STIL: variants seen among roughly 807,000 people sequenced by gnomAD.
STIL encodes the protein SCL-interrupting locus protein.
A neutral mutation model predicts 110.1 loss-of-function variants in STIL; 55 were observed. That is an observed-to-expected ratio of 0.50 (90% CI 0.40 to 0.63). The LOEUF is 0.63. Ranked by LOEUF, STIL falls within the 20% of genes least tolerant of loss-of-function variation. The pLI is 0.00. For synonymous variants in STIL, 481 were observed against 530.0 expected (o/e 0.91, Z 1.27); for missense variants, 1,358 against 1,530.0 (o/e 0.89, Z 1.87).
intron 13 of STIL, 99 bp downstream of exon 13, chr1:47,271,977 C>G (rs1644853740): frequency 7.5e-7 from 1 of 1,335,072 alleles, no homozygotes; most frequent in Non-Finnish European, 1.0e-6. Context: ...GGTTTTGGTC[C>G]TACTGCACCA....
chr1:47,275,136 A>G (rs1266222937), intron 12 of STIL, among the ~76,000 whole-genome samples: 1 of 114,252 alleles, frequency 8.8e-6, no homozygotes, highest in Non-Finnish European at 1.8e-5. Flanking sequence ...ACAGAGCAAG[A>G]CTCTGTCTCA....
intron 13 of STIL, among the ~76,000 whole-genome samples, chr1:47,270,073 C>A (rs1644774135): frequency 1.3e-5 from 2 of 150,848 alleles, no homozygotes; most frequent in Admixed American, 1.3e-4. Flanking sequence ...CCTGTCTCTA[C>A]AAAAAAAATA....
In STIL at chr1:47,281,175, G is replaced by A. The variant is rs564360127; in HGVS notation, c.1283C>T (p.Ser428Leu). The A allele has an allele frequency of 6.2e-7, 1 of 1,613,486 alleles. No homozygotes were observed. The highest frequency in any genetic ancestry group is 1.3e-5 in the African/African-American group (1 of 74,972). ...SKIQPSVPEL[S>L]LVLDGNFIES... ...TATGAAATTGCCATCCAACACAAGT[G>A]AAAGTTCAGGAACTGATGGTTGGAT... Residue 428 changes from serine (S) to leucine (L), a missense_variant, in exon 12 of 17, where the codon TCA becomes TTA. Transcript: ENST00000371877.
rs757539898 is a variant in STIL at position 47,293,415 on chromosome 1, GA to G, written c.872+42del. The G allele has an allele frequency of 2.0e-6, 3 of 1,501,872 alleles. No homozygotes were observed. In the South Asian group the frequency reaches 3.4e-5, roughly 17 times the overall value. 93.0% of individuals were successfully genotyped at this position (1,501,872 alleles called of 1,614,324 possible). A position where few individuals can be genotyped will look rare whatever the true frequency, so the allele number is the denominator to read the frequency against. On this transcript the variant is annotated intron_variant, in intron 8 of 16. Coordinates refer to ENST00000371877, the MANE Select transcript of STIL (RefSeq NM_001048166.1). ...ATGGGACCATAAACTATGAATGGGG[GA>G]AAGGATCGAAATAAAGTACTACAGA... is the stretch of plus-strand genomic sequence containing the variant.
In STIL at chr1:47,263,744, G is replaced by GTTTT. The variant is rs60915271; in HGVS notation, c.2616-632_2616-629dup. On this transcript the variant is annotated intron_variant, in intron 14 of 16. Transcript: ENST00000371877. Reference sequence around the variant, plus strand: ...TAGGTATGTTATTTGTTCATTCCAAGTTTTTTTTTTTTTTTTTTTTTTTTT... The same window carrying GTTTT: ...TAGGTATGTTATTTGTTCATTCCAAGTTTTTTTTTTTTTTTTTTTTTTTTTTTTT... 2.2e-3 allele frequency among the ~76,000 whole-genome samples: 220 copies of GTTTT among 98,306 alleles called. 32 individuals carry two copies. Among genetic ancestry groups the GTTTT allele is most frequent in the African/African-American group, 8.7e-3 (206 of 23,696 alleles). The allele number at this position is 98,306 out of a possible 152,430, so 64.5% of individuals were successfully genotyped here. A position where few individuals can be genotyped will look rare whatever the true frequency, so the allele number is the denominator to read the frequency against.
In STIL at chr1:47,283,401, T is replaced by C. The variant is rs148153742; in HGVS notation, c.1134-942A>G. On this transcript the variant is annotated intron_variant, in intron 10 of 16. Coordinates refer to ENST00000371877, the MANE Select transcript of STIL (RefSeq NM_001048166.1). ...TGTTTAAGCAGAAATGGGTCTTCAG[T>C]CCCACAAAGCTCTTCTCCAACACCC... 19 of 152,350 alleles carry C rather than the reference T, an allele frequency of 1.2e-4. 1 individual carries two copies. The East Asian group carries it at 3.7e-3, about 29-fold the overall frequency. 9.4% of individuals were successfully genotyped at this position (152,350 alleles called of 1,614,324 possible). A position where few individuals can be genotyped will look rare whatever the true frequency, so the allele number is the denominator to read the frequency against.
chr1:47,256,269 C>T (rs779232721), intron 16 of STIL, among the ~76,000 whole-genome samples: 5 of 152,140 alleles, frequency 3.3e-5, no homozygotes, highest in Non-Finnish European at 7.3e-5. Context: ...GTCGTTCATT[C>T]AGCAAATGAC....
In STIL at chr1:47,281,214, A is replaced by C. The variant is rs1174586666; in HGVS notation, c.1249-5T>G. On this transcript the variant is annotated splice_polypyrimidine_tract_variant and splice_region_variant and intron_variant, in intron 11 of 16. Coordinates refer to ENST00000371877, the MANE Select transcript of STIL (RefSeq NM_001048166.1). ...TGATGGTTGGATCTTAGAAATCTAC[A>C]AATAAGAAAGAAATAGAAAAAAAAA... 1.2e-6 allele frequency: 2 copies of C among 1,610,972 alleles called. No individual in the cohort carries two copies. The highest frequency in any genetic ancestry group is 1.7e-5 in the Admixed American group (1 of 59,372).
chr1:47,267,770 C>T (rs890109321), intron 14 of STIL, among the ~76,000 whole-genome samples: 15 of 150,798 alleles, frequency 9.9e-5, no homozygotes, highest in African/African-American at 2.4e-4. Flanking sequence ...AATGCAGTGG[C>T]GCAATCTCGG....
upstream of STIL, among the ~76,000 whole-genome samples, chr1:47,314,351 C>T (rs1434267527): frequency 5.3e-5 from 8 of 152,366 alleles, no homozygotes; most frequent in Admixed American, 2.0e-4. Flanking sequence ...CGGGCGCCAC[C>T]GGCGCTCCAG....
intron 5 of STIL, 47 bp downstream of exon 5, chr1:47,301,513 GT>G: frequency 6.6e-7 from 1 of 1,522,002 alleles, no homozygotes; most frequent in African/African-American, 1.4e-5. Context: ...ACTAAACATA[GT>G]TTGATTCTTG....
chr1:47,260,183 C>T, intron 16 of STIL, 106 bp downstream of exon 16: 1 of 1,190,534 alleles, frequency 8.4e-7, no homozygotes, highest in Non-Finnish European at 1.2e-6. Context: ...GAGATTGCCA[C>T]AATACATCTA....
chr1:47,260,564 T>C (rs1644455803), intron 15 of STIL, 25 bp from the exon 16 acceptor site: 3 of 1,612,414 alleles, frequency 1.9e-6, no homozygotes, highest in Admixed American at 1.7e-5. Flanking sequence ...AAAAATTTTT[T>C]TGAAAAATCA....
intron 10 of STIL, among the ~76,000 whole-genome samples, chr1:47,285,688 G>C (rs957207098): frequency 3.3e-5 from 5 of 151,440 alleles, no homozygotes; most frequent in Non-Finnish European, 2.9e-5. Context: ...CAAGTCCCGA[G>C]ACTCAGGTGA....
At chr1:47,254,517 G>C (rs758125362) in intron 16 of STIL, among the ~76,000 whole-genome samples, 13 of 144,222 alleles carry the variant, frequency 9.0e-5, no homozygotes, top group Non-Finnish European at 1.8e-4. Flanking sequence ...AAAGAAAGCA[G>C]GTCTAATTTG....
rs544591801 is a variant in STIL at position 47,278,371 on chromosome 1, T to C, written c.2217+1870A>G. On this transcript the variant is annotated intron_variant, in intron 12 of 16. Coordinates refer to ENST00000371877, the MANE Select transcript of STIL (RefSeq NM_001048166.1). ...TGGTACCTAAAAATTTAAGTTCATATATATATAAGGAAAATACTATATGTA... is the reference window on the plus strand; with the variant it reads ...TGGTACCTAAAAATTTAAGTTCATACATATATAAGGAAAATACTATATGTA... Among the ~76,000 whole-genome samples the C allele has an allele frequency of 1.2e-4, 18 of 152,238 alleles. No individual in the cohort carries two copies. The East Asian group carries it at 1.9e-3, about 16-fold the overall frequency.
chr1:47,288,355 G>C (rs888759694), intron 9 of STIL, among the ~76,000 whole-genome samples: 6 of 151,422 alleles, frequency 4.0e-5, no homozygotes, highest in East Asian at 1.9e-4. Flanking sequence ...AGAGTGCAGC[G>C]GCACGATCTC....
Position 47,280,404 on chromosome 1 carries a change from A to G in STIL, c.2054T>C (p.Val685Ala), listed in dbSNP as rs1645122578. The change falls in exon 12 of 17, where the codon GTG becomes GCG. Residue 685 changes from valine (V) to alanine (A), a missense_variant. Val to Ala is a moderately conservative substitution (Grantham distance 64, BLOSUM62 0). Transcript: ENST00000371877. Reference sequence around the variant, plus strand: ...GTCCATATGTGAAGGCGGTCTTGCCACAGGCGATGGTTCAATATTGCTGTG... The same window carrying G: ...GTCCATATGTGAAGGCGGTCTTGCCGCAGGCGATGGTTCAATATTGCTGTG... ...SPHSNIEPSP[V>A]ARPPSHMDLC... 1 of 1,614,132 alleles carries G rather than the reference A, an allele frequency of 6.2e-7. No individual in the cohort carries two copies. Among genetic ancestry groups the G allele is most frequent in the Non-Finnish European group, 8.5e-7 (1 of 1,180,050 alleles).
intron 8 of STIL, among the ~76,000 whole-genome samples, 182 bp downstream of exon 8, chr1:47,293,276 C>A (rs192942752): frequency 2.0e-5 from 3 of 152,206 alleles, no homozygotes; most frequent in East Asian, 3.9e-4. Context: ...TATACTGCAA[C>A]CTCATCTTTT....
Sources: allele counts gnomAD v4.1 joint callset (sites outside exome capture counted in the v4.1 genomes callset), GRCh38; gene constraint gnomAD v4.1.1; transcripts MANE v1.5; gene names NCBI Gene and HGNC (gene_info 2026-07-23, HGNC 2026-07-21).